Variants in FBXO32 observed in about 807,000 individuals in gnomAD.
FBXO32 encodes F-box only protein 32.
FBXO32 carries 15 observed loss-of-function variants against 48.3 expected under a neutral mutation model. The ratio of observed to expected loss-of-function variants is 0.31; its 90% CI spans 0.21 to 0.48. The LOEUF (loss-of-function observed/expected upper bound fraction) is 0.48. Among genes scored for constraint, FBXO32 ranks in the 20% least tolerant of loss-of-function variants. The pLI, the probability that FBXO32 is intolerant of heterozygous loss-of-function variation, is 0.99. For synonymous variants in FBXO32, 154 were observed against 165.9 expected, an observed-to-expected ratio of 0.93 and a Z score of 0.55; for missense variants, 309 against 432.7, an observed-to-expected ratio of 0.71 and a Z score of 2.54.
chr8:123,537,717 G>A lies in FBXO32; in HGVS notation c.117-2903C>T, dbSNP rs1455819655. 5.3e-5 allele frequency among the ~76,000 whole-genome samples: 8 copies of A among 152,272 alleles called. No homozygotes were observed. The East Asian group carries it at 1.4e-3, about 26-fold the overall frequency. On this transcript the variant is annotated intron_variant, in intron 1 of 8. Coordinates refer to ENST00000517956, the MANE Select transcript of FBXO32 (RefSeq NM_058229.4). ...TGAAACAAACAGCCTAGTGTATAAC[G>A]CTCATAGAACAGTGCCTTGCACACA...
At chr8:123,535,188 G>A (rs983092145) in intron 1 of FBXO32, among the ~76,000 whole-genome samples, 2 of 152,014 alleles carry the variant, frequency 1.3e-5, no homozygotes, top group Admixed American at 6.6e-5. Flanking sequence ...TGGTATCGCT[G>A]TACTACACAA....
chr8:123,540,848 C>T lies in FBXO32; in HGVS notation c.116+51G>A. On this transcript the variant is annotated intron_variant, in intron 1 of 8. Coordinates refer to ENST00000517956, the MANE Select transcript of FBXO32 (RefSeq NM_058229.4). This position sits in a 1 kb window ranked among gnomAD's most constrained non-coding sequence, Gnocchi z 6.4. The stretch of plus-strand genomic sequence containing the variant: ...TTCGCCGTCCCTGCGCCCCCCAGAC[C>T]AGCCCGGGTCAGTTTCGCGGGGGCT... 1 of 1,497,644 alleles carries T rather than the reference C, an allele frequency of 6.7e-7. No homozygotes were observed. The highest frequency in any genetic ancestry group is 9.2e-7 in the Non-Finnish European group (1 of 1,085,346). 92.8% of individuals were successfully genotyped at this position (1,497,644 alleles called of 1,614,324 possible).
chr8:123,518,913 C>T (rs1055913814), intron 4 of FBXO32, among the ~76,000 whole-genome samples: 5 of 152,122 alleles, frequency 3.3e-5, no homozygotes, highest in African/African-American at 9.7e-5. Context: ...CCTTTACCTC[C>T]GAGGCTCAAG....
At chr8:123,538,510 G>C (rs1817352333) in intron 1 of FBXO32, among the ~76,000 whole-genome samples, 1 of 152,082 alleles carries the variant, frequency 6.6e-6, no homozygotes, top group South Asian at 2.1e-4. Context: ...TGACATCACG[G>C]GGAAACATCA....
intron 1 of FBXO32, among the ~76,000 whole-genome samples, chr8:123,536,729 T>C (rs1198977482): frequency 1.3e-5 from 2 of 152,228 alleles, no homozygotes; most frequent in African/African-American, 4.8e-5. Context: ...TGTCTTATTC[T>C]CAACATTTAA....
At chr8:123,524,391 C>G (rs1303258782) in intron 4 of FBXO32, among the ~76,000 whole-genome samples, 3 of 152,180 alleles carry the variant, frequency 2.0e-5, no homozygotes, top group Non-Finnish European at 4.4e-5. Flanking sequence ...TGTGAAATCA[C>G]TAACAGTTTA....
In FBXO32 at chr8:123,540,745, C is replaced by A. The variant is rs938686697; in HGVS notation, c.116+154G>T. Among the ~76,000 whole-genome samples the A allele has an allele frequency of 9.2e-5, 14 of 152,066 alleles. No homozygotes were observed. Among genetic ancestry groups the A allele is most frequent in the African/African-American group, 3.4e-4 (14 of 41,402 alleles). On this transcript the variant is annotated intron_variant, in intron 1 of 8. Transcript: ENST00000517956. This position sits in a 1 kb window ranked among gnomAD's most constrained non-coding sequence, Gnocchi z 6.4. ...GTCTCCGGTGGTCCGAAGACCTCTGCAGAAATCGGGCCCCGTAGTCCCACC... is the reference window on the plus strand; with the variant it reads ...GTCTCCGGTGGTCCGAAGACCTCTGAAGAAATCGGGCCCCGTAGTCCCACC...
At position 123,540,063 on chromosome 8, in the gene FBXO32, G is replaced by A. The variant is rs7835298; in HGVS notation, c.116+836C>T. Among the ~76,000 whole-genome samples the A allele has an allele frequency of 0.43, 65,384 of 151,994 alleles. 14,211 individuals are homozygous for A. Among genetic ancestry groups the A allele is most frequent in the Non-Finnish European group, 0.45 (30,236 of 67,936 alleles). ...GAGCGCAGCGGACCTCAGGTTTCCC[G>A]CCAGACCACAGAGCTCAGGTGAGGC... On this transcript the variant is annotated intron_variant, in intron 1 of 8. Coordinates refer to ENST00000517956, the MANE Select transcript of FBXO32 (RefSeq NM_058229.4). The surrounding 1 kb of genome is among the most constrained non-coding windows in gnomAD (Gnocchi z 6.4).
At chr8:123,507,441 GTGTGTGT>G (rs1816651237) in intron 6 of FBXO32, among the ~76,000 whole-genome samples, 2 of 98,060 alleles carry the variant, frequency 2.0e-5, no homozygotes, top group African/African-American at 4.0e-5. Flanking sequence ...GTGCTAGGGT[GTGTGTGT>G]GTGTGTGTGT....
intron 4 of FBXO32, among the ~76,000 whole-genome samples, chr8:123,530,668 T>A (rs890719575): frequency 2.4e-4 from 37 of 152,286 alleles, no homozygotes; most frequent in Middle Eastern, 3.4e-3. Flanking sequence ...CAGGCTGGAG[T>A]GCAATGGCGC....
Position 123,513,976 on chromosome 8 carries a change from C to A in FBXO32, c.466+264G>T. The A allele has an allele frequency of 2.6e-6, 1 of 388,960 alleles. No individual in the cohort carries two copies. The highest frequency in any genetic ancestry group is 4.6e-6 in the Non-Finnish European group (1 of 218,484). 24.1% of individuals were successfully genotyped at this position (388,960 alleles called of 1,614,324 possible). On this transcript the variant is annotated intron_variant, in intron 5 of 8. Coordinates refer to ENST00000517956, the MANE Select transcript of FBXO32 (RefSeq NM_058229.4). The surrounding 1 kb of genome is among the most constrained non-coding windows in gnomAD (Gnocchi z 4.3). ...TAGCCAGTGTTGGGACCTGTGTCTA[C>A]ACTGAGAAGCCTACGAGGCTTATAG...
intron 6 of FBXO32, among the ~76,000 whole-genome samples, chr8:123,512,899 C>T (rs1816763409): frequency 6.6e-6 from 1 of 152,118 alleles, no homozygotes; most frequent in South Asian, 2.1e-4. Flanking sequence ...ATCTCTGAAC[C>T]CCGCTAAAGA....
rs961939701 is a variant in FBXO32 at position 123,499,636 on chromosome 8, T to G, written c.*3737A>C. The G allele has an allele frequency of 1.3e-5, 2 of 152,182 alleles. No individual in the cohort carries two copies. Among genetic ancestry groups the G allele is most frequent in the African/African-American group, 4.8e-5 (2 of 41,430 alleles). 9.4% of individuals were successfully genotyped at this position (152,182 alleles called of 1,614,324 possible). A position where few individuals can be genotyped will look rare whatever the true frequency, so the allele number is the denominator to read the frequency against. On this transcript the variant is annotated 3_prime_UTR_variant, in exon 9 of 9. Coordinates refer to ENST00000517956, the MANE Select transcript of FBXO32 (RefSeq NM_058229.4). The stretch of plus-strand genomic sequence containing the variant: ...GAAAAACATAAACTCAGGTGTATAT[T>G]TTATAATAAACATTGTATTGAATGC...
At chr8:123,535,753 C>G (rs534189569) in intron 1 of FBXO32, among the ~76,000 whole-genome samples, 30 of 151,808 alleles carry the variant, frequency 2.0e-4, no homozygotes, top group Non-Finnish European at 4.1e-4. Flanking sequence ...AAGATAGGTT[C>G]CCTAACTCCC....
intron 4 of FBXO32, among the ~76,000 whole-genome samples, chr8:123,519,183 G>C (rs772635949): frequency 3.3e-5 from 5 of 152,156 alleles, no homozygotes; most frequent in Non-Finnish European, 5.9e-5. Flanking sequence ...AATTTGCATG[G>C]AGGGCCAAAT....
chr8:123,541,039 T>G lies in FBXO32; in HGVS notation c.-25A>C. 1 of 1,522,386 alleles carries G rather than the reference T, an allele frequency of 6.6e-7. No homozygotes were observed. 94.3% of individuals were successfully genotyped at this position (1,522,386 alleles called of 1,614,324 possible). A position where few individuals can be genotyped will look rare whatever the true frequency, so the allele number is the denominator to read the frequency against. Reference sequence around the variant, plus strand: ...TGGCACCGCGAGCGGACTAGACGGATGGGGAGACGGGGCCGGCCTGGTGGG... The same window carrying G: ...TGGCACCGCGAGCGGACTAGACGGAGGGGGAGACGGGGCCGGCCTGGTGGG... On this transcript the variant is annotated 5_prime_UTR_variant, in exon 1 of 9. Transcript: ENST00000517956.
chr8:123,533,131 C>T, intron 3 of FBXO32, 60 bp downstream of exon 3: 1 of 1,315,492 alleles, frequency 7.6e-7, no homozygotes, highest in South Asian at 1.2e-5. Flanking sequence ...CATATCCCTC[C>T]CTGCGCTATC....
At chr8:123,530,415 C>G (rs963139350) in intron 4 of FBXO32, among the ~76,000 whole-genome samples, 13 of 152,140 alleles carry the variant, frequency 8.5e-5, no homozygotes, top group African/African-American at 3.1e-4. Context: ...CAACCACACC[C>G]ACAGGGGGAA....
chr8:123,514,205 T>A lies in FBXO32; in HGVS notation c.466+35A>T, dbSNP rs376921484. 9.1e-5 allele frequency: 140 copies of A among 1,546,862 alleles called. No homozygotes were observed. The African/African-American group carries it at 1.5e-3, about 16-fold the overall frequency. The stretch of plus-strand genomic sequence containing the variant: ...AAATCCATCTGCCCACCTCCATGCC[T>A]ATAAAAAGGGGCGAGAGAGTGAGAG... On this transcript the variant is annotated intron_variant, in intron 5 of 8. Transcript: ENST00000517956.
Sources: allele counts gnomAD v4.1 joint callset (sites outside exome capture counted in the v4.1 genomes callset), GRCh38; gene constraint gnomAD v4.1.1; non-coding constraint Gnocchi (gnomAD v3.1); transcripts MANE v1.5; gene names NCBI Gene and HGNC (gene_info 2026-07-23, HGNC 2026-07-21).